Variants in NHLRC3 observed in about 807,000 individuals in gnomAD.
NHLRC3 encodes NHL repeat containing 3.
In NHLRC3, 23 loss-of-function variants were observed where a neutral mutation model predicts 32.0. That is an observed-to-expected ratio of 0.72 (90% CI 0.52 to 1.02). The LOEUF (loss-of-function observed/expected upper bound fraction) is 1.02, where lower values mean the gene tolerates loss of function less well. NHLRC3 is among the 50% of genes least tolerant of loss of function. NHLRC3 has a pLI of 0.00. For synonymous variants in NHLRC3, 159 were observed against 147.9 expected (o/e 1.08, Z -0.55); for missense variants, 407 against 406.8 (o/e 1.00, Z -0.01).
At chr13:39,046,431 C>T (rs1354931940) in intron 5 of NHLRC3, among the ~76,000 whole-genome samples, 7 of 152,218 alleles carry the variant, frequency 4.6e-5, no homozygotes, top group Admixed American at 2.0e-4. Flanking sequence ...CTTAATAACC[C>T]ATTACAGCCT....
intron 5 of NHLRC3, among the ~76,000 whole-genome samples, chr13:39,044,757 C>A (rs1871604872): frequency 6.6e-6 from 1 of 152,190 alleles, no homozygotes; most frequent in South Asian, 2.1e-4. Flanking sequence ...ATCTCTTTTG[C>A]ATTTACTCAA....
intron 6 of NHLRC3, 28 bp from the exon 7 acceptor site, chr13:39,047,646 T>C (rs1871732593): frequency 6.3e-7 from 1 of 1,589,874 alleles, no homozygotes; most frequent in African/African-American, 1.3e-5. Flanking sequence ...TCACAGACAT[T>C]TATTATGTTA....
rs143048352 is a variant in NHLRC3, at chr13:39,047,055, C to G, written c.694C>G (p.Arg232Gly). 4 of 1,609,158 alleles carry G rather than the reference C, an allele frequency of 2.5e-6. No individual in the cohort carries two copies. The highest frequency in any genetic ancestry group is 1.7e-5 in the Admixed American group (1 of 59,596). Residue 232 changes from arginine to glycine, a missense_variant, in exon 6 of 7, where the codon CGA becomes GGA. Transcript: ENST00000379600. The part of the protein sequence containing the change: ...DSAGRVWVAD[R>G]GNKRIQVFDK... Reference sequence around the variant, plus strand: ...TGTTTCTCAGGTGTGGGTTGCTGACCGAGGAAATAAAAGAATCCAAGTATT... The same window carrying G: ...TGTTTCTCAGGTGTGGGTTGCTGACGGAGGAAATAAAAGAATCCAAGTATT...
At position 39,047,747 on chromosome 13, in the gene NHLRC3, C is replaced by T. The variant is rs202177861; in HGVS notation, c.865C>T (p.Pro289Ser). 1.6e-4 allele frequency: 257 copies of T among 1,613,976 alleles called. No homozygotes were observed. Among genetic ancestry groups the T allele is most frequent in the Non-Finnish European group, 2.0e-4 (238 of 1,179,974 alleles). The change falls in exon 7 of 7, where the codon CCA (proline) becomes TCA (serine). Residue 289 changes from proline to serine, a missense_variant. Coordinates refer to ENST00000379600, the MANE Select transcript of NHLRC3 (RefSeq NM_001012754.4). Reference sequence around the variant, plus strand: ...CAGGCTCTCAGTCGTAGCAGCACCCCCAGTGGGAAGCATTGGGGAGTGTTC... The same window carrying T: ...CAGGCTCTCAGTCGTAGCAGCACCCTCAGTGGGAAGCATTGGGGAGTGTTC... The part of the protein sequence containing the change: ...LSRLSVVAAP[P>S]VGSIGECSVI...
At chr13:39,040,910 A>C (rs1324939799) in intron 3 of NHLRC3, 1 of 152,220 alleles carries the variant, frequency 6.6e-6, no homozygotes, top group Non-Finnish European at 1.5e-5. Flanking sequence ...GTTCAACCAA[A>C]AAAAGTCTAT....
chr13:39,038,374 C>T, upstream of NHLRC3: 2 of 515,894 alleles, frequency 3.9e-6, no homozygotes, highest in Middle Eastern at 5.2e-4. Context: ...AGGGTGGTCA[C>T]TGGGTCAGCC....
At position 39,038,590 on chromosome 13, in the gene NHLRC3, C is replaced by T; in HGVS notation, c.-50C>T. The T allele has an allele frequency of 6.7e-7, 1 of 1,494,996 alleles. No homozygotes were observed. 92.6% of individuals were successfully genotyped at this position (1,494,996 alleles called of 1,614,324 possible). On this transcript the variant is annotated 5_prime_UTR_variant, in exon 1 of 7. Transcript: ENST00000379600. Reference sequence around the variant, plus strand: ...CCGTTGCAGCCTGAGGCTGTCAGGTCCTCCCCCAGACACCTGCGGACCCTC... The same window carrying T: ...CCGTTGCAGCCTGAGGCTGTCAGGTTCTCCCCCAGACACCTGCGGACCCTC...
At chr13:39,039,050 A>G (rs45604133) in intron 1 of NHLRC3, 86 bp from the exon 2 acceptor site, 73,530 of 926,572 alleles carry the variant, frequency 0.079, 5,339 homozygotes, top group Middle Eastern at 0.09. Context: ...ATGCTTAAAA[A>G]TAAGCCCTGT....
At chr13:39,045,808 G>A (rs1208385299) in intron 5 of NHLRC3, among the ~76,000 whole-genome samples, 3 of 152,148 alleles carry the variant, frequency 2.0e-5, no homozygotes, top group African/African-American at 7.2e-5. Context: ...TTTCTTAAAT[G>A]GTGTAGTGAG....
At position 39,047,794 on chromosome 13, in the gene NHLRC3, A is replaced by T. The variant is rs1871742284; in HGVS notation, c.912A>T (p.Leu304=). The stretch of plus-strand genomic sequence containing the variant: ...GTTCTGTGATCAGCACAATCCAACT[A>T]GCAGATCAAGTTTTGCCACATCTCC... ...GECSVISTIQ[L]ADQVLPHLLE... Residue 304 remains leucine, a synonymous_variant, in exon 7 of 7, where the codon CTA becomes CTT. Coordinates refer to ENST00000379600, the MANE Select transcript of NHLRC3 (RefSeq NM_001012754.4). 1 of 1,614,050 alleles carries T rather than the reference A, an allele frequency of 6.2e-7. No homozygotes were observed. Among genetic ancestry groups the T allele is most frequent in the Non-Finnish European group, 8.5e-7 (1 of 1,180,040 alleles).
rs1490365628 is a variant in NHLRC3, at chr13:39,048,937, G to A, written c.*1011G>A. ...ATTTCAAGATTATTTAGATAACATGGATATGTGCCAAATCCTTTGAGCTGT... is the reference window on the plus strand; with the variant it reads ...ATTTCAAGATTATTTAGATAACATGAATATGTGCCAAATCCTTTGAGCTGT... On this transcript the variant is annotated 3_prime_UTR_variant, in exon 7 of 7. Coordinates refer to ENST00000379600, the MANE Select transcript of NHLRC3 (RefSeq NM_001012754.4). 6.6e-6 allele frequency: 1 copy of A among 152,184 alleles called. No individual in the cohort carries two copies. The highest frequency in any genetic ancestry group is 1.5e-5 in the Non-Finnish European group (1 of 67,984). The allele number at this position is 152,184 out of a possible 1,614,324, so 9.4% of individuals were successfully genotyped here. A position where few individuals can be genotyped will look rare whatever the true frequency, so the allele number is the denominator to read the frequency against.
rs374434457 is a variant in NHLRC3 at position 39,047,056 on chromosome 13, G to A, written c.695G>A (p.Arg232Gln). Reference protein sequence around the residue: ...DSAGRVWVADRGNKRIQVFDK... With the variant: ...DSAGRVWVADQGNKRIQVFDK... ...GTTTCTCAGGTGTGGGTTGCTGACC[G>A]AGGAAATAAAAGAATCCAAGTATTT... Residue 232 changes from arginine to glutamine, a missense_variant, in exon 6 of 7, where the codon CGA (arginine) becomes CAA (glutamine). Transcript: ENST00000379600. 1.1e-5 allele frequency: 18 copies of A among 1,610,260 alleles called. No individual in the cohort carries two copies. The Middle Eastern group carries it at 2.1e-3, about 191-fold the overall frequency.
chr13:39,043,951 T>C (rs975963986), intron 4 of NHLRC3, 139 bp from the exon 5 acceptor site: 16 of 682,626 alleles, frequency 2.3e-5, no homozygotes, highest in Non-Finnish European at 3.9e-5. Context: ...AATGGGCATA[T>C]AGACAGGAAA....
chr13:39,038,683 T>G lies in NHLRC3; in HGVS notation c.44T>G (p.Leu15Arg), dbSNP rs779807481. Residue 15 changes from leucine (L) to arginine (R), a missense_variant, in exon 1 of 7, where the codon CTT becomes CGT. Coordinates refer to ENST00000379600, the MANE Select transcript of NHLRC3 (RefSeq NM_001012754.4). Reference protein sequence around the residue: ...WVCVAGAGFFLAFLVLHSRFC... With the variant: ...WVCVAGAGFFRAFLVLHSRFC... Reference sequence around the variant, plus strand: ...TGCGTAGCCGGTGCTGGCTTCTTTCTTGCATTTTTGGTTTTGCATTCGCGT... The same window carrying G: ...TGCGTAGCCGGTGCTGGCTTCTTTCGTGCATTTTTGGTTTTGCATTCGCGT... 1 of 1,614,216 alleles carries G rather than the reference T, an allele frequency of 6.2e-7. No homozygotes were observed. Among genetic ancestry groups the G allele is most frequent in the Non-Finnish European group, 8.5e-7 (1 of 1,180,034 alleles).
chr13:39,038,541 G>GCAGA lies in NHLRC3; in HGVS notation c.-97_-94dup. 1 of 1,001,228 alleles carries GCAGA rather than the reference G, an allele frequency of 1.0e-6. No homozygotes were observed. The highest frequency in any genetic ancestry group is 1.3e-5 in the South Asian group (1 of 78,060). 62.0% of individuals were successfully genotyped at this position (1,001,228 alleles called of 1,614,324 possible). A position where few individuals can be genotyped will look rare whatever the true frequency, so the allele number is the denominator to read the frequency against. ...CGGAGATAGGGTCTTCGGGCCCCGG[G>GCAGA]CAGACCCTCTGTGCCGCTGCAAACC... On this transcript the variant is annotated 5_prime_UTR_variant, in exon 1 of 7. Transcript: ENST00000379600.
intron 4 of NHLRC3, 65 bp downstream of exon 4, chr13:39,042,370 G>A: frequency 9.6e-7 from 1 of 1,040,454 alleles, no homozygotes; most frequent in South Asian, 1.5e-5. Context: ...TCGATATTTG[G>A]TATAATGTTT....
intron 3 of NHLRC3, 68 bp downstream of exon 3, chr13:39,039,779 A>G (rs1757171234): frequency 1.7e-6 from 2 of 1,167,594 alleles, no homozygotes; most frequent in South Asian, 1.5e-5. Context: ...CCTTGTTTGT[A>G]TTGTTTAAAA....
At chr13:39,045,845 A>G (rs1434129011) in intron 5 of NHLRC3, among the ~76,000 whole-genome samples, 2 of 152,202 alleles carry the variant, frequency 1.3e-5, no homozygotes, top group Admixed American at 6.5e-5. Context: ...ATTGGAGATT[A>G]ATTCAATGGC....
chr13:39,044,044 A>T, intron 4 of NHLRC3, 46 bp from the exon 5 acceptor site: 2 of 1,288,006 alleles, frequency 1.6e-6, no homozygotes, highest in Non-Finnish European at 2.3e-6. Flanking sequence ...CAAATGCATG[A>T]GACATTCTAT....
Sources: allele counts gnomAD v4.1 joint callset (sites outside exome capture counted in the v4.1 genomes callset), GRCh38; gene constraint gnomAD v4.1.1; transcripts MANE v1.5; gene names NCBI Gene and HGNC (gene_info 2026-07-23, HGNC 2026-07-21).